Variants in ARHGAP29 observed in about 807,000 individuals in gnomAD.
ARHGAP29 encodes Rho GTPase activating protein 29.
Under a neutral mutation model 122.6 loss-of-function variants are expected in ARHGAP29, and 43 were observed. The ratio of observed to expected loss-of-function variants is 0.35; its 90% CI spans 0.27 to 0.45. The LOEUF (loss-of-function observed/expected upper bound fraction) is 0.45. Among genes scored for constraint, ARHGAP29 ranks in the 20% least tolerant of loss-of-function variants. The probability of loss-of-function intolerance (pLI) is 1.00; values close to 1 mark genes in which losing one functional copy is unlikely to be tolerated. For synonymous variants in ARHGAP29, 506 were observed against 497.1 expected, an observed-to-expected ratio of 1.02 and a Z score of -0.24; for missense variants, 1,303 against 1,477.2, an observed-to-expected ratio of 0.88 and a Z score of 1.93.
chr1:94,176,101 A>T (rs1023572718), intron 22 of ARHGAP29, among the ~76,000 whole-genome samples: 1 of 152,180 alleles, frequency 6.6e-6, no homozygotes, highest in Non-Finnish European at 1.5e-5. Context: ...ACCAACATAT[A>T]TTCTTAAATT....
chr1:94,202,729 C>T lies in ARHGAP29; in HGVS notation c.958G>A (p.Glu320Lys). The change falls in exon 11 of 23, where the codon GAA becomes AAA. Residue 320 changes from glutamate to lysine, a missense_variant. Glu to Lys is a moderately conservative substitution (Grantham distance 56). Coordinates refer to ENST00000260526, the MANE Select transcript of ARHGAP29 (RefSeq NM_004815.4). ...GCCTTTTTGAGAGCATTCTCTGCTT[C>T]AAGCTACACCGAAAAGAGTATTAAA... ...LWKQEQNKMLEAENALKKAKL... is the reference protein window; with the variant it reads ...LWKQEQNKMLKAENALKKAKL... 6.2e-7 allele frequency: 1 copy of T among 1,612,644 alleles called. No homozygotes were observed. Among genetic ancestry groups the T allele is most frequent in the Non-Finnish European group, 8.5e-7 (1 of 1,179,722 alleles).
upstream of ARHGAP29, among the ~76,000 whole-genome samples, chr1:94,239,648 G>C (rs1179619103): frequency 6.7e-6 from 1 of 149,366 alleles, no homozygotes; most frequent in Admixed American, 6.8e-5. Flanking sequence ...GATGGAGAGA[G>C]ATAAGGAAGA....
chr1:94,259,001 G>A (rs564335511), intron 1 of ARHGAP29, among the ~76,000 whole-genome samples: 7 of 152,258 alleles, frequency 4.6e-5, no homozygotes, highest in Non-Finnish European at 1.5e-5. Flanking sequence ...TTGTCACCAT[G>A]GAAAATCATA....
At chr1:94,178,263 G>A (rs1649234864) in intron 20 of ARHGAP29, 96 bp from the exon 21 acceptor site, 5 of 1,213,096 alleles carry the variant, frequency 4.1e-6, no homozygotes, top group Admixed American at 2.4e-5. Context: ...GGGAAAATGA[G>A]CTGCACAAAA....
chr1:94,307,571 A>T, the ARHGAP29 span, among the ~76,000 whole-genome samples: 7,500 of 152,264 alleles, frequency 0.049, 639 homozygotes, highest in African/African-American at 0.17. Flanking sequence ...AGCTACCATA[A>T]TTAAATAATG....
chr1:94,211,381 A>G (rs1160284759), intron 3 of ARHGAP29, among the ~76,000 whole-genome samples: 1 of 151,876 alleles, frequency 6.6e-6, no homozygotes, highest in Non-Finnish European at 1.5e-5. Context: ...AAACTGCAAC[A>G]AAAAACACAT....
At chr1:94,292,156 C>T in the ARHGAP29 span, among the ~76,000 whole-genome samples, 1 of 152,082 alleles carries the variant, frequency 6.6e-6, no homozygotes, top group South Asian at 2.1e-4. Context: ...TGTTTCTTTT[C>T]ACTCTTTTTT....
At chr1:94,253,189 T>G (rs1654169035) in intron 1 of ARHGAP29, among the ~76,000 whole-genome samples, 1 of 152,158 alleles carries the variant, frequency 6.6e-6, no homozygotes, top group Non-Finnish European at 1.5e-5. Flanking sequence ...CAGGATGGTC[T>G]TGATCTCCTG....
chr1:94,201,892 G>C (rs542423023), intron 11 of ARHGAP29, 35 bp from the exon 12 acceptor site: 284 of 1,488,112 alleles, frequency 1.9e-4, no homozygotes, highest in South Asian at 7.9e-4. Flanking sequence ...AATAACACTA[G>C]AATTTATATT....
At chr1:94,266,775 T>C (rs942957517) in intron 1 of ARHGAP29, among the ~76,000 whole-genome samples, 1 of 152,226 alleles carries the variant, frequency 6.6e-6, no homozygotes, top group Non-Finnish European at 1.5e-5. Flanking sequence ...CTAAGTGACT[T>C]GAATCAAACT....
rs745387479 is a variant in ARHGAP29, at chr1:94,184,309, A to G, written c.2110-21T>C. On this transcript the variant is annotated intron_variant, in intron 18 of 22. Coordinates refer to ENST00000260526, the MANE Select transcript of ARHGAP29 (RefSeq NM_004815.4). ...ATTCCCTTCAATAGAAAAGAAAAAA[A>G]TTTTGCAAAATTCTTCTTTAGTACA... 1.9e-6 allele frequency: 3 copies of G among 1,581,572 alleles called. No individual in the cohort carries two copies. The Admixed American group carries it at 5.8e-5, about 30-fold the overall frequency.
intron 1 of ARHGAP29, among the ~76,000 whole-genome samples, chr1:94,251,791 C>T (rs1215978653): frequency 6.6e-6 from 1 of 152,184 alleles, no homozygotes; most frequent in Non-Finnish European, 1.5e-5. Context: ...TCCTTGACTC[C>T]TCCATAAAAA....
intron 22 of ARHGAP29, 23 bp from the exon 23 acceptor site, chr1:94,174,772 T>C (rs781372073): frequency 1.9e-6 from 3 of 1,604,476 alleles, no homozygotes; most frequent in Non-Finnish European, 2.6e-6. Flanking sequence ...GAAATCTATT[T>C]AAGTTTGTGG....
At chr1:94,253,767 C>G (rs1654216446) in intron 1 of ARHGAP29, among the ~76,000 whole-genome samples, 1 of 152,142 alleles carries the variant, frequency 6.6e-6, no homozygotes, top group Non-Finnish European at 1.5e-5. Context: ...TCTTTATCTA[C>G]CCACTGAGCA....
At chr1:94,273,475 CA>C (rs1655071491) in intron 1 of ARHGAP29, among the ~76,000 whole-genome samples, 1 of 152,106 alleles carries the variant, frequency 6.6e-6, no homozygotes, top group Non-Finnish European at 1.5e-5. Context: ...TACAAAAAAC[CA>C]TTTGATATTT....
intron 1 of ARHGAP29, among the ~76,000 whole-genome samples, chr1:94,254,210 G>A: frequency 6.6e-6 from 1 of 152,128 alleles, no homozygotes; most frequent in East Asian, 1.9e-4. Flanking sequence ...GTCACTGATG[G>A]ATTGACACCC....
Position 94,178,022 on chromosome 1 carries a change from C to G in ARHGAP29, c.2626G>C (p.Glu876Gln). The change falls in exon 21 of 23, where the codon GAG becomes CAG. Residue 876 changes from glutamate (E) to glutamine (Q), a missense_variant. Physicochemically the swap from Glu to Gln is conservative, Grantham distance 29. Coordinates refer to ENST00000260526, the MANE Select transcript of ARHGAP29 (RefSeq NM_004815.4). The part of the protein sequence containing the change: ...AEYSNQARLV[E>Q]FLITYSQKIF... ...TTCTGTGAGTAAGTAATGAGAAACTCTACCAAGCGTGCTTGATTTGAATAC... is the reference window on the plus strand; with the variant it reads ...TTCTGTGAGTAAGTAATGAGAAACTGTACCAAGCGTGCTTGATTTGAATAC... 1 of 1,614,166 alleles carries G rather than the reference C, an allele frequency of 6.2e-7. No individual in the cohort carries two copies. Among genetic ancestry groups the G allele is most frequent in the Non-Finnish European group, 8.5e-7 (1 of 1,180,030 alleles).
intron 5 of ARHGAP29, among the ~76,000 whole-genome samples, chr1:94,207,247 G>T (rs1651262523): frequency 1.3e-5 from 2 of 151,922 alleles, no homozygotes; most frequent in Non-Finnish European, 2.9e-5. Flanking sequence ...GGCCTCAGGT[G>T]ATCCGCCCAC....
At chr1:94,228,864 T>C (rs1652769904) in intron 2 of ARHGAP29, among the ~76,000 whole-genome samples, 1 of 151,854 alleles carries the variant, frequency 6.6e-6, no homozygotes, top group South Asian at 2.1e-4. Flanking sequence ...CAGTTAGTAA[T>C]AAAGGTATTA....
Sources: gnomAD v4.1 joint callset for allele counts (sites outside exome capture counted in the v4.1 genomes callset) on GRCh38, gnomAD v4.1.1 for gene constraint, MANE v1.5 for transcripts, NCBI Gene and HGNC (gene_info 2026-07-23, HGNC 2026-07-21) for gene names.